The following ZDHHC14 variants were observed in gnomAD, a reference collection of about 807,000 sequenced individuals.
The protein encoded by ZDHHC14 is zDHHC palmitoyltransferase 14, also known as palmitoyltransferase ZDHHC14.
Under a neutral mutation model 47.7 loss-of-function variants are expected in ZDHHC14, and 16 were observed. That is an observed-to-expected ratio of 0.34 (90% confidence interval 0.23 to 0.51). ZDHHC14 has a LOEUF of 0.51. Among genes scored for constraint, ZDHHC14 ranks in the 20% least tolerant of loss-of-function variants. The pLI is 0.97. For missense variants in ZDHHC14, 515 were observed against 662.5 expected (o/e 0.78, Z 2.44); for synonymous variants, 293 against 278.9 (o/e 1.05, Z -0.50).
At chr6:157,459,999 G>A (rs1779029960) in intron 1 of ZDHHC14, among the ~76,000 whole-genome samples, 1 of 148,768 alleles carries the variant, frequency 6.7e-6, no homozygotes, top group Non-Finnish European at 1.5e-5. Context: ...ATCACTTGAG[G>A]TCAGGAGTTC....
At chr6:157,437,146 C>T (rs902847144) in intron 1 of ZDHHC14, among the ~76,000 whole-genome samples, 3 of 152,214 alleles carry the variant, frequency 2.0e-5, no homozygotes, top group Non-Finnish European at 2.9e-5. Context: ...TGGCCGGCCA[C>T]ACATGGGCTG....
At chr6:157,603,738 G>A (rs1257606129) in intron 3 of ZDHHC14, among the ~76,000 whole-genome samples, 1 of 152,202 alleles carries the variant, frequency 6.6e-6, no homozygotes, top group Non-Finnish European at 1.5e-5. Flanking sequence ...TCAGGTTCAG[G>A]TCTCCTCAAA....
intron 3 of ZDHHC14, among the ~76,000 whole-genome samples, chr6:157,605,306 G>C (rs146452494): frequency 0.028 from 4,209 of 152,300 alleles, 200 homozygotes; most frequent in African/African-American, 0.097. Context: ...GGAGAAGCAA[G>C]AAGAAAGTGT....
At chr6:157,643,383 G>T (rs555149664) in intron 5 of ZDHHC14, among the ~76,000 whole-genome samples, 2 of 151,996 alleles carry the variant, frequency 1.3e-5, no homozygotes, top group Non-Finnish European at 2.9e-5. Context: ...AAAGCTGGCC[G>T]GGCATGGTGG....
chr6:157,643,096 GGA>G lies in ZDHHC14; in HGVS notation c.753-2639_753-2638del, dbSNP rs200365198. 3.9e-5 allele frequency among the ~76,000 whole-genome samples: 6 copies of G among 152,304 alleles called. No individual in the cohort carries two copies. In the East Asian group the frequency reaches 1.2e-3, roughly 29 times the overall value. ...CCTCAGTTTCCCTGTGTGTTAAGAGGGAGTCATGCTTCTCCCTGGGTCACTCT... is the reference window on the plus strand; with the variant it reads ...CCTCAGTTTCCCTGTGTGTTAAGAGGGTCATGCTTCTCCCTGGGTCACTCT... On this transcript the variant is annotated intron_variant, in intron 5 of 8. Transcript: ENST00000359775.
At chr6:157,513,759 T>C (rs911849762) in intron 1 of ZDHHC14, among the ~76,000 whole-genome samples, 3 of 152,202 alleles carry the variant, frequency 2.0e-5, no homozygotes, top group African/African-American at 7.2e-5. Flanking sequence ...AGAGGTTAGG[T>C]AAGTTTGCCT....
At chr6:157,596,867 G>A (rs921442539) in intron 3 of ZDHHC14, among the ~76,000 whole-genome samples, 6 of 152,170 alleles carry the variant, frequency 3.9e-5, no homozygotes, top group Admixed American at 2.6e-4. Context: ...TGCCACCATC[G>A]GTGCTCCCAA....
At chr6:157,500,679 A>G (rs1457430057) in intron 1 of ZDHHC14, among the ~76,000 whole-genome samples, 2 of 152,166 alleles carry the variant, frequency 1.3e-5, no homozygotes, top group African/African-American at 4.8e-5. Context: ...GTGGACCACA[A>G]CCATGAACCC....
chr6:157,655,927 C>T (rs1450787693), intron 8 of ZDHHC14, among the ~76,000 whole-genome samples: 2 of 152,196 alleles, frequency 1.3e-5, no homozygotes, highest in African/African-American at 4.8e-5. Context: ...TTAACAAAGG[C>T]TGTTTAATGG....
intron 5 of ZDHHC14, among the ~76,000 whole-genome samples, chr6:157,636,061 C>T (rs535351670): frequency 2.0e-5 from 3 of 152,232 alleles, no homozygotes; most frequent in African/African-American, 7.2e-5. Context: ...CCACAGCCTG[C>T]TGACCGCATG....
rs1780210566 is a variant in ZDHHC14 at position 157,502,270 on chromosome 6, A to C, written c.246-40315A>C. ...GGGAAGACCAAGAAAGTCATTATAG[A>C]AACGGCAAGAAGACCATTGCATGTA... On this transcript the variant is annotated intron_variant, in intron 1 of 8. Coordinates refer to ENST00000359775, the MANE Select transcript of ZDHHC14 (RefSeq NM_024630.3). This position sits in a 1 kb window ranked among gnomAD's most constrained non-coding sequence, Gnocchi z 4.0. 6.6e-6 allele frequency among the ~76,000 whole-genome samples: 1 copy of C among 152,198 alleles called. No individual in the cohort carries two copies. Among genetic ancestry groups the C allele is most frequent in the Non-Finnish European group, 1.5e-5 (1 of 68,024 alleles).
intron 2 of ZDHHC14, among the ~76,000 whole-genome samples, chr6:157,548,606 C>A (rs1782085899): frequency 6.6e-6 from 1 of 152,136 alleles, no homozygotes; most frequent in Admixed American, 6.6e-5. Context: ...GCCACTATTC[C>A]CGGCTAATTT....
In ZDHHC14 at chr6:157,672,810, C is replaced by T; in HGVS notation, c.1155C>T (p.Thr385=). 1 of 1,612,594 alleles carries T rather than the reference C, an allele frequency of 6.2e-7. No homozygotes were observed. The highest frequency in any genetic ancestry group is 1.1e-5 in the South Asian group (1 of 91,014). Reference sequence around the variant, plus strand: ...TGCTGCAGAGCGAGCCCAGCCTCACCAGCGACGAGCTGCACCTGCCCGGGA... The same window carrying T: ...TGCTGCAGAGCGAGCCCAGCCTCACTAGCGACGAGCTGCACCTGCCCGGGA... ...TPLLQSEPSL[T]SDELHLPGKP... is the part of the protein sequence containing the mutation. Residue 385 remains threonine, a synonymous_variant, in exon 9 of 9, where the codon ACC becomes ACT. Transcript: ENST00000359775.
intron 4 of ZDHHC14, chr6:157,629,371 T>G (rs1396791160): frequency 6.6e-6 from 1 of 152,186 alleles, no homozygotes. Flanking sequence ...CATTAGCAAG[T>G]CCGTAGCTTC....
chr6:157,602,516 A>G (rs980858657), intron 3 of ZDHHC14, among the ~76,000 whole-genome samples: 8 of 147,926 alleles, frequency 5.4e-5, no homozygotes, highest in African/African-American at 2.0e-4. Context: ...AAACGCATTC[A>G]GTGCCACCGG....
At chr6:157,608,148 C>T (rs551395704) in intron 3 of ZDHHC14, among the ~76,000 whole-genome samples, 3 of 152,206 alleles carry the variant, frequency 2.0e-5, no homozygotes, top group South Asian at 2.1e-4. Context: ...CAGGAAGTCA[C>T]GCTGTGCGTG....
intron 1 of ZDHHC14, among the ~76,000 whole-genome samples, chr6:157,445,028 A>G (rs774037633): frequency 1.1e-4 from 16 of 151,950 alleles, no homozygotes; most frequent in South Asian, 1.0e-3. Flanking sequence ...GACCATGTAG[A>G]CAGAGTCCAG....
intron 1 of ZDHHC14, among the ~76,000 whole-genome samples, chr6:157,453,553 G>C (rs1055170949): frequency 6.6e-6 from 1 of 152,184 alleles, no homozygotes; most frequent in Non-Finnish European, 1.5e-5. Flanking sequence ...CCCTGGCTTA[G>C]ATTCACTAGC....
At chr6:157,641,118 A>T (rs563498669) in intron 5 of ZDHHC14, among the ~76,000 whole-genome samples, 5 of 152,236 alleles carry the variant, frequency 3.3e-5, no homozygotes, top group Admixed American at 2.6e-4. Flanking sequence ...GTAGAATTCC[A>T]CAGTGTAGAT....
Sources: gnomAD v4.1 joint callset for allele counts (sites outside exome capture counted in the v4.1 genomes callset) on GRCh38, gnomAD v4.1.1 for gene constraint, Gnocchi (gnomAD v3.1) non-coding constraint, MANE v1.5 for transcripts, NCBI Gene and HGNC (gene_info 2026-07-23, HGNC 2026-07-21) for gene names.